Variants in AP3B1 observed in about 807,000 individuals in gnomAD.
The protein encoded by AP3B1 is adaptor related protein complex 3 subunit beta 1.
Under a neutral mutation model 132.5 loss-of-function variants are expected in AP3B1, and 61 were observed. That is an observed-to-expected ratio of 0.46 (90% CI 0.37 to 0.57). The LOEUF (loss-of-function observed/expected upper bound fraction) is 0.57. Among genes scored for constraint, AP3B1 ranks in the 20% least tolerant of loss-of-function variants. The probability of loss-of-function intolerance (pLI) is 0.00; values close to 1 mark genes in which losing one functional copy is unlikely to be tolerated. For missense variants in AP3B1, 1,120 were observed against 1,289.4 expected (o/e 0.87, Z 2.01); for synonymous variants, 388 against 438.3 (o/e 0.89, Z 1.43).
chr5:78,191,210 A>G (rs1744813007), intron 7 of AP3B1, among the ~76,000 whole-genome samples: 1 of 152,114 alleles, frequency 6.6e-6, no homozygotes, highest in Non-Finnish European at 1.5e-5. Context: ...AGTGAGAACT[A>G]GAAAAGCTGG....
intron 22 of AP3B1, among the ~76,000 whole-genome samples, chr5:78,055,719 C>T (rs941329724): frequency 6.6e-6 from 1 of 152,070 alleles, no homozygotes; most frequent in Non-Finnish European, 1.5e-5. Flanking sequence ...ATTTTTTTCT[C>T]TCCTTCAAGG....
chr5:78,154,309 G>A (rs1466671822), intron 14 of AP3B1, among the ~76,000 whole-genome samples: 1 of 152,154 alleles, frequency 6.6e-6, no homozygotes. Context: ...CCACTGAAAA[G>A]TCTGCTGCCA....
chr5:78,074,211 A>G (rs1749667135), intron 22 of AP3B1, among the ~76,000 whole-genome samples: 1 of 152,100 alleles, frequency 6.6e-6, no homozygotes, highest in South Asian at 2.1e-4. Flanking sequence ...GGAAAAGGAG[A>G]GATGAAAATG....
At chr5:78,291,743 T>C (rs1749533521) in intron 1 of AP3B1, among the ~76,000 whole-genome samples, 1 of 152,106 alleles carries the variant, frequency 6.6e-6, no homozygotes, top group Non-Finnish European at 1.5e-5. Context: ...GGCAACTAAA[T>C]TAAATATATT....
At chr5:78,271,633 C>T (rs180894737) in intron 1 of AP3B1, among the ~76,000 whole-genome samples, 1 of 152,154 alleles carries the variant, frequency 6.6e-6, no homozygotes, top group East Asian at 1.9e-4. Flanking sequence ...AAGGTAAAAT[C>T]TCATGAATAG....
At chr5:78,064,429 T>G (rs1447347218) in intron 22 of AP3B1, among the ~76,000 whole-genome samples, 1 of 152,198 alleles carries the variant, frequency 6.6e-6, no homozygotes. Flanking sequence ...TAATCCTGAC[T>G]CAGTGAATTA....
At chr5:78,180,131 A>G (rs1412234443) in intron 8 of AP3B1, among the ~76,000 whole-genome samples, 1 of 152,138 alleles carries the variant, frequency 6.6e-6, no homozygotes, top group Non-Finnish European at 1.5e-5. Context: ...AGCATATTTT[A>G]CAACAGCCAT....
intron 7 of AP3B1, among the ~76,000 whole-genome samples, chr5:78,185,397 T>C (rs1744562787): frequency 6.6e-6 from 1 of 152,152 alleles, no homozygotes; most frequent in African/African-American, 2.4e-5. Context: ...TCTAAATGCA[T>C]GTAAAGGACA....
At position 78,002,588 on chromosome 5, in the gene AP3B1, A is replaced by G; in HGVS notation, c.*314T>C. 1 of 574,254 alleles carries G rather than the reference A, an allele frequency of 1.7e-6. No homozygotes were observed. Among genetic ancestry groups the G allele is most frequent in the Admixed American group, 3.2e-5 (1 of 31,310 alleles). The allele number at this position is 574,254 out of a possible 1,614,324, so 35.6% of individuals were successfully genotyped here. Reference sequence around the variant, plus strand: ...AACTTTAAATATCTCATTCATGTCTACCATTGTCGAAAAAGAGAAGGAAAA... The same window carrying G: ...AACTTTAAATATCTCATTCATGTCTGCCATTGTCGAAAAAGAGAAGGAAAA... On this transcript the variant is annotated 3_prime_UTR_variant, in exon 27 of 27. Transcript: ENST00000255194.
intron 13 of AP3B1, among the ~76,000 whole-genome samples, chr5:78,160,104 TATAATATATTTG>T (rs1282748740): frequency 2.6e-4 from 40 of 152,300 alleles, no homozygotes; most frequent in African/African-American, 9.1e-4. Context: ...ATGGGAAGAC[TATAATATATTTG>T]TCTTATATTA....
chr5:78,138,241 G>A (rs999213284), intron 15 of AP3B1, among the ~76,000 whole-genome samples: 1 of 151,752 alleles, frequency 6.6e-6, no homozygotes, highest in Non-Finnish European at 1.5e-5. Flanking sequence ...TGAGGCAAGC[G>A]GATCACTTGA....
At chr5:78,119,628 G>A (rs911211135) in intron 17 of AP3B1, among the ~76,000 whole-genome samples, 6 of 152,166 alleles carry the variant, frequency 3.9e-5, no homozygotes, top group Admixed American at 6.5e-5. Context: ...AGTGAGAAGG[G>A]AAGTTTAGAG....
chr5:78,186,424 G>C (rs1744609180), intron 7 of AP3B1, among the ~76,000 whole-genome samples: 1 of 152,188 alleles, frequency 6.6e-6, no homozygotes, highest in South Asian at 2.1e-4. Flanking sequence ...CAGGGGTTAA[G>C]GGTTGGGAGT....
At chr5:78,235,466 CA>C (rs1215419429) in intron 3 of AP3B1, among the ~76,000 whole-genome samples, 2 of 152,124 alleles carry the variant, frequency 1.3e-5, no homozygotes, top group African/African-American at 4.8e-5. Flanking sequence ...ACTGTTATGG[CA>C]AAAAGCATAA....
chr5:78,141,743 T>C (rs1753155519), intron 14 of AP3B1, among the ~76,000 whole-genome samples: 1 of 152,132 alleles, frequency 6.6e-6, no homozygotes. Context: ...ATAGAAATGG[T>C]TTGCTGACCC....
intron 14 of AP3B1, among the ~76,000 whole-genome samples, chr5:78,153,217 C>T (rs1467217911): frequency 6.6e-6 from 1 of 152,064 alleles, no homozygotes; most frequent in South Asian, 2.1e-4. Flanking sequence ...TCTGGGTGCT[C>T]CAGTGTTGAG....
At chr5:78,091,377 T>C (rs1561399184) in intron 21 of AP3B1, among the ~76,000 whole-genome samples, 1 of 147,870 alleles carries the variant, frequency 6.8e-6, no homozygotes, top group South Asian at 2.1e-4. Flanking sequence ...ACATATATAA[T>C]AGAGAAAGCA....
chr5:78,081,017 T>C (rs929766602), intron 22 of AP3B1, among the ~76,000 whole-genome samples: 3 of 152,152 alleles, frequency 2.0e-5, no homozygotes, highest in Non-Finnish European at 4.4e-5. Context: ...TACAAATGGA[T>C]GGCCCTAAGA....
chr5:78,093,965 A>G (rs1750654447), intron 21 of AP3B1, among the ~76,000 whole-genome samples: 1 of 152,184 alleles, frequency 6.6e-6, no homozygotes, highest in Non-Finnish European at 1.5e-5. Flanking sequence ...TAGTGACTCC[A>G]CTCTACTGCC....
Sources: gnomAD v4.1 joint callset for allele counts (sites outside exome capture counted in the v4.1 genomes callset) on GRCh38, gnomAD v4.1.1 for gene constraint, MANE v1.5 for transcripts, NCBI Gene and HGNC (gene_info 2026-07-23, HGNC 2026-07-21) for gene names.